Variants in TTN observed in about 807,000 individuals in gnomAD.
TTN encodes titin.
TTN carries 1,525 observed loss-of-function variants against 3,223.0 expected under a neutral mutation model. The ratio of observed to expected loss-of-function variants is 0.47; its 90% CI spans 0.45 to 0.49. TTN has a LOEUF of 0.49. TTN is among the 20% of genes least tolerant of loss of function. The pLI, the probability that TTN is intolerant of heterozygous loss-of-function variation, is 0.00. For missense variants in TTN, 40,786 were observed against 43,424.0 expected, an observed-to-expected ratio of 0.94 and a Z score of 5.40; for synonymous variants, 14,094 against 15,161.0, an observed-to-expected ratio of 0.93 and a Z score of 5.17.
intron 24 of TTN, 71 bp from the exon 25 acceptor site, chr2:178,778,046 CT>C: frequency 6.5e-7 from 1 of 1,548,894 alleles, no homozygotes; most frequent in Non-Finnish European, 8.7e-7. Flanking sequence ...TTCATTTTGT[CT>C]TATTCATTAT....
intron 257 of TTN, among the ~76,000 whole-genome samples, 194 bp from the exon 258 acceptor site, chr2:178,615,982 C>T (rs2057262390): frequency 6.6e-6 from 1 of 151,882 alleles, no homozygotes; most frequent in Non-Finnish European, 1.5e-5. Flanking sequence ...AGAAAAACTG[C>T]TTCATAGTTT....
chr2:178,783,869 A>G, intron 16 of TTN, 84 bp from the exon 17 acceptor site: 2 of 1,012,950 alleles, frequency 2.0e-6, no homozygotes, highest in Non-Finnish European at 2.7e-6. Context: ...ACATTATATA[A>G]TTATAAAAAT....
intron 2 of TTN, 41 bp downstream of exon 2, chr2:178,804,511 G>A (rs2094221154): frequency 6.3e-7 from 1 of 1,594,368 alleles, no homozygotes; most frequent in Non-Finnish European, 8.6e-7. Flanking sequence ...TGGAGAGGAG[G>A]CAAAGGAAAA....
At chr2:178,802,440 G>C in intron 2 of TTN, 99 bp from the exon 3 acceptor site, 1 of 1,388,026 alleles carries the variant, frequency 7.2e-7, no homozygotes, top group East Asian at 2.5e-5. Context: ...ATCTGTAAAA[G>C]CTTTCCAGCA....
chr2:178,749,159 G>GCA, intron 47 of TTN: 2 of 1,612,314 alleles, frequency 1.2e-6, no homozygotes, highest in Non-Finnish European at 1.7e-6. Flanking sequence ...GTCACTTTGG[G>GCA]CACATTCTTG....
rs181920774 is a variant in TTN, at chr2:178,732,401, A to C, written c.16621+39T>G. The stretch of plus-strand genomic sequence containing the variant: ...TGTGAGAAAGAGGAAAGAATTTATA[A>C]CAAGGTTAGCACAAAGATGTCAAGA... On this transcript the variant is annotated intron_variant, in intron 56 of 362. Coordinates refer to ENST00000589042, the MANE Select transcript of TTN (RefSeq NM_001267550.2). 3.2e-6 allele frequency: 5 copies of C among 1,578,308 alleles called. No individual in the cohort carries two copies. In the East Asian group the frequency reaches 9.0e-5, roughly 28 times the overall value.
rs530353051 is a variant in TTN at position 178,727,780 on chromosome 2, T to C, written c.19798A>G (p.Thr6600Ala). The C allele has an allele frequency of 8.1e-6, 13 of 1,613,224 alleles. No homozygotes were observed. In the Admixed American group the frequency reaches 1.7e-4, roughly 21 times the overall value. Residue 6600 changes from threonine (T) to alanine (A), a missense_variant, in exon 68 of 363, where the codon ACA (threonine) becomes GCA (alanine). By Grantham distance (58) the Thr-to-Ala change is moderately conservative (BLOSUM62 0). Coordinates refer to ENST00000589042, the MANE Select transcript of TTN (RefSeq NM_001267550.2). ...TVEFKAILKG[T>A]PPFKIKWFKD... ...AACCATTTTATTTTAAATGGTGGTG[T>C]TCCTTTTAGTATTGCCTTAAATTCC...
chr2:178,696,328 A>G (rs974468026), intron 113 of TTN, 59 bp from the exon 114 acceptor site: 26 of 1,351,566 alleles, frequency 1.9e-5, no homozygotes, highest in Non-Finnish European at 2.3e-5. Context: ...TGCTTCACTA[A>G]ACAAAAATCT....
rs747138440 is a variant in TTN, at chr2:178,544,416, C to G, written c.95813G>C (p.Gly31938Ala). The G allele has an allele frequency of 2.5e-6, 4 of 1,613,712 alleles. No individual in the cohort carries two copies. The South Asian group carries it at 3.3e-5, about 13-fold the overall frequency. ...CAGAACATATCCTACAATGTCAGTA[C>G]CACCATCGTACATGGGTTTGGTCCA... ...LAWTKPMYDG[G>A]TDIVGYVLEM... Residue 31938 changes from glycine (G) to alanine (A), a missense_variant, in exon 345 of 363, where the codon GGT (glycine) becomes GCT (alanine). By Grantham distance (60) the Gly-to-Ala change is moderately conservative. Transcript: ENST00000589042.
At chr2:178,670,924 T>G (rs2066854253) in intron 156 of TTN, among the ~76,000 whole-genome samples, 166 bp downstream of exon 156, 1 of 151,912 alleles carries the variant, frequency 6.6e-6, no homozygotes, top group Non-Finnish European at 1.5e-5. Flanking sequence ...TTGGTAGAAC[T>G]TCCCTTGGAC....
At chr2:178,747,960 C>T in intron 47 of TTN, 2 of 1,613,010 alleles carry the variant, frequency 1.2e-6, no homozygotes, top group South Asian at 1.1e-5. Context: ...TGAACATCAC[C>T]TCTGTGGTCT....
In TTN at chr2:178,558,409, G is replaced by A. The variant is rs1454476732; in HGVS notation, c.87050C>T (p.Ala29017Val). ...GTCACTCAGGCCAGCTTGATTTTCA[G>A]CAAACACTCGGAAAAAGTATTCAGA... ...ENSEYFFRVF[A>V]ENQAGLSDPR... Residue 29017 changes from alanine (A) to valine (V), a missense_variant, in exon 327 of 363, where the codon GCT becomes GTT. Transcript: ENST00000589042. 6.2e-7 allele frequency: 1 copy of A among 1,613,762 alleles called. No homozygotes were observed. The highest frequency in any genetic ancestry group is 1.1e-5 in the South Asian group (1 of 91,074).
At chr2:178,766,961 C>T (rs550887985) in intron 40 of TTN, among the ~76,000 whole-genome samples, 1 of 152,220 alleles carries the variant, frequency 6.6e-6, no homozygotes, top group South Asian at 2.1e-4. Flanking sequence ...AAAGTTATTA[C>T]TTAATTTGAT....
chr2:178,773,522 C>T lies in TTN; in HGVS notation c.7534G>A (p.Glu2512Lys), dbSNP rs116049561. The T allele has an allele frequency of 4.4e-5, 71 of 1,614,006 alleles. No homozygotes were observed. Among genetic ancestry groups the T allele is most frequent in the Non-Finnish European group, 5.6e-5 (66 of 1,179,976 alleles). ...CCAACTATCAGCTTGTAAGGTCCTT[C>T]GTCTGAAGCATGAGTTCGGTTAATG... The part of the protein sequence containing the change: ...LVINRTHASD[E>K]GPYKLIVGRV... The change falls in exon 32 of 363, where the codon GAA (glutamate) becomes AAA (lysine). Residue 2512 changes from glutamate to lysine, a missense_variant. Physicochemically the swap from Glu to Lys is moderately conservative, Grantham distance 56. Transcript: ENST00000589042.
Position 178,546,336 on chromosome 2 carries a change from C to A in TTN, c.94995G>T (p.Gln31665His). ...ELDLCEKVSL[Q>H]YTGKRATAVI... ...CAGCAGTTGCTCGTTTGCCAGTATA[C>A]TGCAAAGAGACTTTTTCACAGAGAT... The change falls in exon 342 of 363, where the codon CAG becomes CAT. Residue 31665 changes from glutamine (Q) to histidine (H), a missense_variant. Coordinates refer to ENST00000589042, the MANE Select transcript of TTN (RefSeq NM_001267550.2). 2 of 1,613,826 alleles carry A rather than the reference C, an allele frequency of 1.2e-6. No homozygotes were observed. The highest frequency in any genetic ancestry group is 4.5e-5 in the East Asian group (2 of 44,868).
At position 178,575,844 on chromosome 2, in the gene TTN, C is replaced by A. The variant is rs549709481; in HGVS notation, c.70288G>T (p.Val23430Phe). 2.5e-6 allele frequency: 4 copies of A among 1,613,540 alleles called. No individual in the cohort carries two copies. Among genetic ancestry groups the A allele is most frequent in the Non-Finnish European group, 3.4e-6 (4 of 1,179,620 alleles). ...GGGCCTGGCGTGTCCAAGACTCTGACGTTCACAAAGCCACTTTTCTTCCCA... is the reference window on the plus strand; with the variant it reads ...GGGCCTGGCGTGTCCAAGACTCTGAAGTTCACAAAGCCACTTTTCTTCCCA... ...PAGKKSGFVN[V>F]RVLDTPGPVL... Residue 23430 changes from valine to phenylalanine, a missense_variant, in exon 326 of 363, where the codon GTC becomes TTC. Coordinates refer to ENST00000589042, the MANE Select transcript of TTN (RefSeq NM_001267550.2). The surrounding 1 kb of genome is among the most constrained non-coding windows in gnomAD (Gnocchi z 4.0).
rs1384027022 is a variant in TTN at position 178,630,223 on chromosome 2, A to G, written c.44281+18T>C. ...AAAAGTGTTTATTTAATTTCCCTGA[A>G]AAATATACAATACTTACGCTTAACT... is the stretch of plus-strand genomic sequence containing the variant. On this transcript the variant is annotated intron_variant, in intron 239 of 362. Transcript: ENST00000589042. The G allele has an allele frequency of 1.9e-6, 3 of 1,611,274 alleles. No homozygotes were observed. In the Admixed American group the frequency reaches 5.0e-5, roughly 27 times the overall value.
chr2:178,575,221 G>T lies in TTN; in HGVS notation c.70911C>A (p.Gly23637=), dbSNP rs1709623057. 3 of 1,612,816 alleles carry T rather than the reference G, an allele frequency of 1.9e-6. No individual in the cohort carries two copies. Among genetic ancestry groups the T allele is most frequent in the Non-Finnish European group, 2.5e-6 (3 of 1,179,422 alleles). ...TGGCAATGACCAGTTTCTGATAGAT[G>T]CCACGGAGATCCAGCTCTGGAAGCA... ...QTMLPELDLR[G]IYQKLVIAKA... is the part of the protein sequence containing the mutation. Residue 23637 remains glycine (G), a synonymous_variant, in exon 326 of 363, where the codon GGC becomes GGA. Transcript: ENST00000589042. The surrounding 1 kb of genome is among the most constrained non-coding windows in gnomAD (Gnocchi z 4.0).
intron 148 of TTN, 77 bp from the exon 149 acceptor site, chr2:178,675,831 T>C: frequency 6.5e-7 from 1 of 1,531,400 alleles, no homozygotes; most frequent in Non-Finnish European, 8.9e-7. Context: ...TAATATAAGT[T>C]GTATTAACAA....
Sources: allele counts gnomAD v4.1 joint callset (sites outside exome capture counted in the v4.1 genomes callset), GRCh38; gene constraint gnomAD v4.1.1; non-coding constraint Gnocchi (gnomAD v3.1); transcripts MANE v1.5; gene names NCBI Gene and HGNC (gene_info 2026-07-23, HGNC 2026-07-21).